KCNH7: variants seen among roughly 807,000 people sequenced by gnomAD.
KCNH7 encodes the protein potassium voltage-gated channel subfamily H member 7.
KCNH7 carries 49 observed loss-of-function variants against 120.8 expected under a neutral mutation model. The ratio of observed to expected loss-of-function variants is 0.41; its 90% CI spans 0.32 to 0.51. The LOEUF is 0.51. Ranked by LOEUF, KCNH7 falls within the 20% of genes least tolerant of loss-of-function variation. The pLI is 0.38. For synonymous variants in KCNH7, 547 were observed against 516.1 expected, an observed-to-expected ratio of 1.06 and a Z score of -0.81; for missense variants, 1,097 against 1,446.6, an observed-to-expected ratio of 0.76 and a Z score of 3.92.
chr2:162,502,799 T>G (rs186544202), intron 6 of KCNH7, among the ~76,000 whole-genome samples: 1 of 152,070 alleles, frequency 6.6e-6, no homozygotes, highest in African/African-American at 2.4e-5. Context: ...CCTGGCACAG[T>G]GGATCTGCTG....
chr2:162,485,148 G>T (rs1238703263), intron 6 of KCNH7, among the ~76,000 whole-genome samples: 2 of 152,102 alleles, frequency 1.3e-5, no homozygotes, highest in Admixed American at 6.6e-5. Context: ...TACCTCAAAG[G>T]TGAGACCTTC....
At chr2:162,827,464 T>G (rs12471613) in intron 2 of KCNH7, among the ~76,000 whole-genome samples, 10,828 of 152,192 alleles carry the variant, frequency 0.071, 416 homozygotes, top group South Asian at 0.11. Context: ...GAATGCCATT[T>G]AAAATGATGC....
intron 2 of KCNH7, among the ~76,000 whole-genome samples, chr2:162,700,721 A>C (rs1686466642): frequency 6.6e-6 from 1 of 152,172 alleles, no homozygotes; most frequent in Admixed American, 6.5e-5. Flanking sequence ...AGGTTTAAAA[A>C]CTGTTGCTCT....
At chr2:162,670,831 CAAAT>C (rs892792079) in intron 2 of KCNH7, among the ~76,000 whole-genome samples, 4 of 150,966 alleles carry the variant, frequency 2.6e-5, no homozygotes, top group African/African-American at 9.7e-5. Context: ...AGAAATAAAA[CAAAT>C]AAAACAGTAA....
chr2:162,835,117 T>C (rs972713148), intron 2 of KCNH7, among the ~76,000 whole-genome samples: 1 of 152,098 alleles, frequency 6.6e-6, no homozygotes, highest in Non-Finnish European at 1.5e-5. Flanking sequence ...AATTAGGCTA[T>C]TTCTAGTATG....
intron 2 of KCNH7, among the ~76,000 whole-genome samples, chr2:162,566,090 G>T (rs1054632620): frequency 6.6e-6 from 1 of 151,872 alleles, no homozygotes; most frequent in East Asian, 1.9e-4. Context: ...CATAGTGGGG[G>T]ACTGAAAGTT....
intron 6 of KCNH7, among the ~76,000 whole-genome samples, chr2:162,477,187 C>G (rs1048576854): frequency 6.6e-6 from 1 of 152,220 alleles, no homozygotes; most frequent in African/African-American, 2.4e-5. Flanking sequence ...AGCTTAGAGC[C>G]TTATGATCAT....
At chr2:162,545,163 A>C (rs1224401234) in intron 2 of KCNH7, among the ~76,000 whole-genome samples, 1 of 152,180 alleles carries the variant, frequency 6.6e-6, no homozygotes, top group Non-Finnish European at 1.5e-5. Context: ...ATATTACTGG[A>C]AAGGGCTTGC....
Position 162,384,720 on chromosome 2 carries a change from A to G in KCNH7, c.2930T>C (p.Met977Thr), listed in dbSNP as rs768612630. ...FEETVPTSGR[M>T]HIDKRSHSCK... ...AGAGTGACTTCTTTTATCTATGTGCATTCTTCCTGAGGTGGGCACTGTTTC... is the reference window on the plus strand; with the variant it reads ...AGAGTGACTTCTTTTATCTATGTGCGTTCTTCCTGAGGTGGGCACTGTTTC... Residue 977 changes from methionine (M) to threonine (T), a missense_variant, in exon 13 of 16, where the codon ATG becomes ACG. Physicochemically the swap from Met to Thr is moderately conservative, Grantham distance 81. Around this residue, in one of 8 missense-constraint regions of KCNH7, gnomAD observed 406 missense variants for 410.5 expected, o/e 0.99. Coordinates refer to ENST00000332142, the MANE Select transcript of KCNH7 (RefSeq NM_033272.4). 9.3e-6 allele frequency: 15 copies of G among 1,612,480 alleles called. No individual in the cohort carries two copies. Among genetic ancestry groups the G allele is most frequent in the Non-Finnish European group, 1.3e-5 (15 of 1,178,962 alleles).
At chr2:162,429,329 TTTTGC>T (rs1204452549) in intron 8 of KCNH7, among the ~76,000 whole-genome samples, 1 of 151,302 alleles carries the variant, frequency 6.6e-6, no homozygotes, top group Non-Finnish European at 1.5e-5. Context: ...TGACATTATT[TTTTGC>T]TTTAAGGAGT....
chr2:162,469,723 T>C (rs1319387309), intron 6 of KCNH7, among the ~76,000 whole-genome samples: 1 of 142,298 alleles, frequency 7.0e-6, no homozygotes. Flanking sequence ...GGTCTCCCTC[T>C]CCTTCTCTTT....
intron 2 of KCNH7, among the ~76,000 whole-genome samples, chr2:162,538,262 GC>G (rs1692179322): frequency 6.6e-6 from 1 of 151,902 alleles, no homozygotes; most frequent in Non-Finnish European, 1.5e-5. Flanking sequence ...GCTATCGTTA[GC>G]ATTAGTGTAT....
chr2:162,475,867 T>C (rs1056656438), intron 6 of KCNH7, among the ~76,000 whole-genome samples: 1 of 152,178 alleles, frequency 6.6e-6, no homozygotes, highest in Admixed American at 6.5e-5. Flanking sequence ...CAGCTCTAAC[T>C]GAGAAAATTT....
At chr2:162,831,657 C>T (rs1368640845) in intron 2 of KCNH7, among the ~76,000 whole-genome samples, 2 of 152,146 alleles carry the variant, frequency 1.3e-5, no homozygotes, top group Non-Finnish European at 2.9e-5. Context: ...TACCAAACAA[C>T]AACAGCAACA....
At chr2:162,572,237 G>A (rs934148206) in intron 2 of KCNH7, among the ~76,000 whole-genome samples, 99 of 151,704 alleles carry the variant, frequency 6.5e-4, no homozygotes, top group African/African-American at 2.3e-3. Context: ...GTGGGTGAAG[G>A]ACATGAACAG....
chr2:162,682,880 C>T (rs1040054033), intron 2 of KCNH7, among the ~76,000 whole-genome samples: 3 of 151,734 alleles, frequency 2.0e-5, no homozygotes, highest in African/African-American at 7.2e-5. Context: ...CCAGAAAAAA[C>T]CCAGACAATA....
intron 2 of KCNH7, among the ~76,000 whole-genome samples, chr2:162,628,578 T>A (rs963148220): frequency 3.9e-5 from 6 of 152,096 alleles, no homozygotes; most frequent in Non-Finnish European, 1.5e-5. Context: ...TTTTTCCTGA[T>A]CCTCTCCTTC....
At chr2:162,591,012 G>C (rs1559032989) in intron 2 of KCNH7, among the ~76,000 whole-genome samples, 1 of 151,898 alleles carries the variant, frequency 6.6e-6, no homozygotes, top group Non-Finnish European at 1.5e-5. Flanking sequence ...TTCTGTTCCT[G>C]GGATATACTC....
chr2:162,669,106 A>T (rs917735645), intron 2 of KCNH7, among the ~76,000 whole-genome samples: 8 of 152,174 alleles, frequency 5.3e-5, no homozygotes, highest in African/African-American at 1.9e-4. Flanking sequence ...GTTCAGGTGG[A>T]TATCAAGTAA....
Sources: gnomAD v4.1 joint callset for allele counts (sites outside exome capture counted in the v4.1 genomes callset) on GRCh38, gnomAD v4.1.1 for gene constraint, gnomAD v4.1.1 regional missense constraint, MANE v1.5 for transcripts, NCBI Gene and HGNC (gene_info 2026-07-23, HGNC 2026-07-21) for gene names.